ZNF700: variants seen among roughly 807,000 people sequenced by gnomAD.
ZNF700 encodes zinc finger protein 700.
Under a neutral mutation model 65.3 loss-of-function variants are expected in ZNF700, and 38 were observed. The ratio of observed to expected loss-of-function variants is 0.58; its 90% CI spans 0.45 to 0.76. ZNF700 has a LOEUF of 0.76. Among genes scored for constraint, ZNF700 ranks in the 30% least tolerant of loss-of-function variants. ZNF700 has a pLI of 0.00. For missense variants in ZNF700, 857 were observed against 888.4 expected (o/e 0.96, Z 0.45); for synonymous variants, 285 against 290.4 (o/e 0.98, Z 0.19).
Position 11,950,352 on chromosome 19 carries a change from A to T in ZNF700, c.*99A>T. 8.0e-7 allele frequency: 1 copy of T among 1,251,114 alleles called. No individual in the cohort carries two copies. Among genetic ancestry groups the T allele is most frequent in the Non-Finnish European group, 1.1e-6 (1 of 877,038 alleles). The allele number at this position is 1,251,114 out of a possible 1,614,324, so 77.5% of individuals were successfully genotyped here. A position where few individuals can be genotyped will look rare whatever the true frequency, so the allele number is the denominator to read the frequency against. On this transcript the variant is annotated 3_prime_UTR_variant, in exon 4 of 4. Coordinates refer to ENST00000254321, the MANE Select transcript of ZNF700 (RefSeq NM_144566.3). Reference sequence around the variant, plus strand: ...CTTTCACATTTTCCAGTTCTTTTCGATATCATGAAAGGACTCACACTGGGG... The same window carrying T: ...CTTTCACATTTTCCAGTTCTTTTCGTTATCATGAAAGGACTCACACTGGGG...
chr19:11,947,356 TC>T, intron 2 of ZNF700, 49 bp downstream of exon 2: 1 of 1,611,616 alleles, frequency 6.2e-7, no homozygotes, highest in East Asian at 2.2e-5. Context: ...AACCAGTGTT[TC>T]TAGCTCATGA....
intron 1 of ZNF700, among the ~76,000 whole-genome samples, chr19:11,940,349 C>T (rs904189662): frequency 6.6e-6 from 1 of 152,144 alleles, no homozygotes; most frequent in Non-Finnish European, 1.5e-5. Flanking sequence ...TGTTACAGCT[C>T]TTAAGGTGGC....
At position 11,949,390 on chromosome 19, in the gene ZNF700, A is replaced by T. The variant is rs200080309; in HGVS notation, c.1366A>T (p.Arg456Ter). Reference protein sequence around the residue: ...YECKECGKAFRSTSHLRVHGR... With the variant: ...YECKECGKAF Reference sequence around the variant, plus strand: ...ATGTAAGGAATGTGGGAAAGCCTTCAGATCTACCTCACACCTTCGAGTGCA... The same window carrying T: ...ATGTAAGGAATGTGGGAAAGCCTTCTGATCTACCTCACACCTTCGAGTGCA... Residue 456 changes from arginine (R) to a stop codon, truncating the protein, a stop_gained, in exon 4 of 4, where the codon AGA becomes TGA. Coordinates refer to ENST00000254321, the MANE Select transcript of ZNF700 (RefSeq NM_144566.3). LOFTEE classifies it high-confidence loss of function. 6 of 1,613,908 alleles carry T rather than the reference A, an allele frequency of 3.7e-6. No homozygotes were observed. The highest frequency in any genetic ancestry group is 5.1e-6 in the Non-Finnish European group (6 of 1,179,926).
At position 11,949,854 on chromosome 19, in the gene ZNF700, T is replaced by C; in HGVS notation, c.1830T>C (p.His610=). 6.2e-7 allele frequency: 1 copy of C among 1,613,860 alleles called. No homozygotes were observed. The highest frequency in any genetic ancestry group is 8.5e-7 in the Non-Finnish European group (1 of 1,179,940). The change falls in exon 4 of 4, where the codon CAT becomes CAC. Residue 610 remains histidine (H), a synonymous_variant. Transcript: ENST00000254321. ...GTTGTGCCTCAAACCTTCGAAAGCA[T>C]GGTAGGACTCACACTGGAGAGAAAC... ...AFSCASNLRK[H]GRTHTGEKPY...
intron 1 of ZNF700, among the ~76,000 whole-genome samples, chr19:11,940,964 T>C (rs1972872641): frequency 6.6e-6 from 1 of 152,074 alleles, no homozygotes; most frequent in Non-Finnish European, 1.5e-5. Flanking sequence ...TTGGTGTATT[T>C]ACAAACCTTG....
intron 1 of ZNF700, chr19:11,926,625 G>T (rs961719295): frequency 6.5e-6 from 1 of 154,172 alleles, no homozygotes; most frequent in African/African-American, 2.4e-5. Context: ...CTGACCTCAA[G>T]TGATCCACCC....
intron 1 of ZNF700, among the ~76,000 whole-genome samples, chr19:11,942,621 GA>G (rs758368973): frequency 5.9e-5 from 9 of 152,218 alleles, no homozygotes; most frequent in Non-Finnish European, 1.3e-4. Flanking sequence ...GGATCCACAT[GA>G]AAGGATCGTG....
intron 1 of ZNF700, among the ~76,000 whole-genome samples, chr19:11,943,351 C>G (rs1972913793): frequency 6.6e-6 from 1 of 152,180 alleles, no homozygotes; most frequent in Admixed American, 6.5e-5. Context: ...TAGGGCCAGT[C>G]TATTTTGATA....
At chr19:11,946,830 A>G (rs750803263) in intron 1 of ZNF700, 10 of 195,482 alleles carry the variant, frequency 5.1e-5, no homozygotes, top group Non-Finnish European at 8.1e-5. Context: ...CACTCACACT[A>G]CAAGAGGGAA....
chr19:11,947,507 A>G lies in ZNF700; in HGVS notation c.191-7A>G, dbSNP rs1249902314. Reference sequence around the variant, plus strand: ...TTCAGGACTATTTTTCTGTGTCTGTATTTTAGGAAAAAAATGGAGTGACCA... The same window carrying G: ...TTCAGGACTATTTTTCTGTGTCTGTGTTTTAGGAAAAAAATGGAGTGACCA... On this transcript the variant is annotated splice_polypyrimidine_tract_variant and splice_region_variant and intron_variant, in intron 2 of 3. Coordinates refer to ENST00000254321, the MANE Select transcript of ZNF700 (RefSeq NM_144566.3). 1.2e-6 allele frequency: 2 copies of G among 1,612,238 alleles called. No homozygotes were observed. Among genetic ancestry groups the G allele is most frequent in the Middle Eastern group, 1.7e-4 (1 of 6,050 alleles).
At chr19:11,937,820 G>A (rs957565166) in intron 1 of ZNF700, among the ~76,000 whole-genome samples, 1 of 152,032 alleles carries the variant, frequency 6.6e-6, no homozygotes, top group Non-Finnish European at 1.5e-5. Context: ...GTGCCTCTCT[G>A]TCATCTTATG....
chr19:11,946,284 G>C (rs962238841), intron 1 of ZNF700, among the ~76,000 whole-genome samples: 1 of 152,156 alleles, frequency 6.6e-6, no homozygotes, highest in East Asian at 1.9e-4. Context: ...TGTTCTGGGT[G>C]GTCTAGGGGT....
chr19:11,936,720 C>T (rs944195993), intron 1 of ZNF700, among the ~76,000 whole-genome samples: 40 of 152,030 alleles, frequency 2.6e-4, no homozygotes, highest in Non-Finnish European at 5.0e-4. Flanking sequence ...ATTTTGGCTT[C>T]TGTTGCCATT....
At chr19:11,931,124 G>A (rs893649472) in intron 1 of ZNF700, among the ~76,000 whole-genome samples, 2 of 148,256 alleles carry the variant, frequency 1.3e-5, no homozygotes, top group Non-Finnish European at 2.9e-5. Flanking sequence ...GCTGCAGTGT[G>A]TAGTAGGGAT....
At position 11,950,330 on chromosome 19, in the gene ZNF700, T is replaced by A. The variant is rs919569334; in HGVS notation, c.*77T>A. 4.0e-5 allele frequency: 58 copies of A among 1,458,156 alleles called. No homozygotes were observed. The highest frequency in any genetic ancestry group is 5.4e-5 in the Non-Finnish European group (57 of 1,061,822). 90.3% of individuals were successfully genotyped at this position (1,458,156 alleles called of 1,614,324 possible). ...GAATGCAAGCAATGTGGCAAAACTT[T>A]CACATTTTCCAGTTCTTTTCGATAT... On this transcript the variant is annotated 3_prime_UTR_variant, in exon 4 of 4. Coordinates refer to ENST00000254321, the MANE Select transcript of ZNF700 (RefSeq NM_144566.3).
In ZNF700 at chr19:11,950,429, CT is replaced by C; in HGVS notation, c.*180del. The C allele has an allele frequency of 1.3e-6, 1 of 745,966 alleles. No individual in the cohort carries two copies. The allele number at this position is 745,966 out of a possible 1,614,324, so 46.2% of individuals were successfully genotyped here. A position where few individuals can be genotyped will look rare whatever the true frequency, so the allele number is the denominator to read the frequency against. On this transcript the variant is annotated 3_prime_UTR_variant, in exon 4 of 4. Coordinates refer to ENST00000254321, the MANE Select transcript of ZNF700 (RefSeq NM_144566.3). ...GGGAAAGCCTTCATTCCTTTTACTT[CT>C]TTTCAATGTCATGAAAGGACTCACA...
At chr19:11,940,535 C>T (rs886543602) in intron 1 of ZNF700, among the ~76,000 whole-genome samples, 5 of 152,096 alleles carry the variant, frequency 3.3e-5, no homozygotes, top group Non-Finnish European at 5.9e-5. Context: ...CGTGATCTCG[C>T]TGGCTTCAGG....
chr19:11,933,406 A>T (rs757879601), intron 1 of ZNF700, among the ~76,000 whole-genome samples: 1 of 147,782 alleles, frequency 6.8e-6, no homozygotes, highest in Non-Finnish European at 1.5e-5. Context: ...ATGAAACTTC[A>T]CTCTTTTTGG....
chr19:11,936,323 ATTTC>A, intron 1 of ZNF700, among the ~76,000 whole-genome samples: 1 of 151,914 alleles, frequency 6.6e-6, no homozygotes, highest in East Asian at 1.9e-4. Flanking sequence ...AAGTGTTCCT[ATTTC>A]TCCACATCCT....
Sources: allele counts gnomAD v4.1 joint callset (sites outside exome capture counted in the v4.1 genomes callset), GRCh38; gene constraint gnomAD v4.1.1; transcripts MANE v1.5; gene names NCBI Gene and HGNC (gene_info 2026-07-23, HGNC 2026-07-21).